Variants in MBOAT2 observed in about 807,000 individuals in gnomAD.
MBOAT2 encodes the protein membrane bound glycerophospholipid O-acyltransferase 2.
A neutral mutation model predicts 63.4 loss-of-function variants in MBOAT2; 28 were observed. That is an observed-to-expected ratio of 0.44 (90% CI 0.33 to 0.61). The LOEUF (loss-of-function observed/expected upper bound fraction) is 0.61. Ranked by LOEUF, MBOAT2 falls within the 20% of genes least tolerant of loss-of-function variation. The pLI is 0.03. For missense variants in MBOAT2, 470 were observed against 605.8 expected (o/e 0.78, Z 2.35); for synonymous variants, 211 against 215.6 (o/e 0.98, Z 0.19).
intron 1 of MBOAT2, among the ~76,000 whole-genome samples, chr2:8,966,733 G>GTTT (rs1670023726): frequency 2.0e-5 from 3 of 152,138 alleles, no homozygotes; most frequent in Admixed American, 6.5e-5. Context: ...ACCAAATGCA[G>GTTT]ACTACAATGT....
rs537266064 is a variant in MBOAT2, at chr2:8,901,975, C to G, written c.395+6646G>C. On this transcript the variant is annotated intron_variant, in intron 4 of 12. Transcript: ENST00000305997. The stretch of plus-strand genomic sequence containing the variant: ...GATAGATGGGCGAGTCTCGCTTGGG[C>G]GACATGACTTTGAGAGTTCCGCTCA... Among the ~76,000 whole-genome samples the G allele has an allele frequency of 1.2e-4, 18 of 148,220 alleles. No homozygotes were observed. The East Asian group carries it at 2.6e-3, about 21-fold the overall frequency.
chr2:8,910,407 T>C (rs908124714), intron 3 of MBOAT2, among the ~76,000 whole-genome samples: 1 of 152,170 alleles, frequency 6.6e-6, no homozygotes, highest in Non-Finnish European at 1.5e-5. Flanking sequence ...GATGATGCTA[T>C]CCAGTTGAAC....
rs1214093843 is a variant in MBOAT2 at position 8,882,647 on chromosome 2, C to T, written c.452-82G>A. The T allele has an allele frequency of 4.0e-6, 5 of 1,235,598 alleles. 1 individual carries two copies. The African/African-American group carries it at 6.0e-5, about 15-fold the overall frequency. The allele number at this position is 1,235,598 out of a possible 1,614,324, so 76.5% of individuals were successfully genotyped here. A position where few individuals can be genotyped will look rare whatever the true frequency, so the allele number is the denominator to read the frequency against. On this transcript the variant is annotated intron_variant, in intron 5 of 12. Transcript: ENST00000305997. ...TGCCCATGCACACTTTCATTACTTT[C>T]CTCATTTGAAATTCATGCTATTATA...
rs138961382 is a variant in MBOAT2, at chr2:9,003,515, C to A, written c.75+25G>T. The A allele has an allele frequency of 0.054, 64,391 of 1,183,508 alleles. 1,829 individuals carry two copies. Among genetic ancestry groups the A allele is most frequent in the Middle Eastern group, 0.065 (189 of 2,910 alleles). 73.3% of individuals were successfully genotyped at this position (1,183,508 alleles called of 1,614,324 possible). A position where few individuals can be genotyped will look rare whatever the true frequency, so the allele number is the denominator to read the frequency against. On this transcript the variant is annotated intron_variant, in intron 1 of 12. Transcript: ENST00000305997. The surrounding 1 kb of genome is among the most constrained non-coding windows in gnomAD (Gnocchi z 5.4). ...GGGAGGGGCGGCGAGGGCGCGACGC[C>A]CGGCGCCAGGGCGCCTCGGGGTACC...
intron 4 of MBOAT2, among the ~76,000 whole-genome samples, chr2:8,906,328 A>G (rs2148584693): frequency 6.6e-6 from 1 of 152,312 alleles, no homozygotes; most frequent in South Asian, 2.1e-4. Flanking sequence ...CTTAATGTCA[A>G]TTGTCCTATG....
At chr2:8,913,381 C>T (rs1053853985) in intron 3 of MBOAT2, among the ~76,000 whole-genome samples, 1 of 151,996 alleles carries the variant, frequency 6.6e-6, no homozygotes, top group East Asian at 1.9e-4. Flanking sequence ...AAGGAACAGT[C>T]AGCAGAGTAA....
chr2:8,880,789 G>A (rs922260862), intron 6 of MBOAT2, among the ~76,000 whole-genome samples: 8 of 152,356 alleles, frequency 5.3e-5, no homozygotes, highest in African/African-American at 1.9e-4. Flanking sequence ...GTGGCCAACT[G>A]GCCAATGCTG....
chr2:8,996,150 GT>G lies in MBOAT2; in HGVS notation c.75+7389del, dbSNP rs535742073. ...CGCAATGGCTCGGCAGCTGGAAGCT[GT>G]TAAGAGTTTTAAGCAAGGAAGTAAC... is the stretch of plus-strand genomic sequence containing the variant. On this transcript the variant is annotated intron_variant, in intron 1 of 12. Transcript: ENST00000305997. Among the ~76,000 whole-genome samples the G allele has an allele frequency of 4.6e-4, 70 of 152,314 alleles. No homozygotes were observed. In the Middle Eastern group the frequency reaches 0.014, roughly 30 times the overall value.
chr2:8,966,854 T>C (rs987744670), intron 1 of MBOAT2, among the ~76,000 whole-genome samples: 6 of 152,204 alleles, frequency 3.9e-5, no homozygotes, highest in African/African-American at 1.4e-4. Context: ...CCAATACCCA[T>C]GTGTCTAACA....
intron 1 of MBOAT2, among the ~76,000 whole-genome samples, chr2:8,970,016 G>C (rs1670328589): frequency 6.6e-6 from 1 of 152,124 alleles, no homozygotes; most frequent in Admixed American, 6.5e-5. Flanking sequence ...GCACCAAGTG[G>C]ACCTAATAGA....
intron 1 of MBOAT2, among the ~76,000 whole-genome samples, chr2:8,988,860 A>G (rs1312340137): frequency 6.6e-6 from 1 of 152,250 alleles, no homozygotes; most frequent in Non-Finnish European, 1.5e-5. Flanking sequence ...AATAATATCC[A>G]TAATGAATCA....
At chr2:8,871,213 G>T (rs1295626617) in intron 8 of MBOAT2, among the ~76,000 whole-genome samples, 1 of 152,030 alleles carries the variant, frequency 6.6e-6, no homozygotes. Flanking sequence ...GCTCAGGCTG[G>T]TCTCAAACTT....
chr2:8,963,434 G>C (rs2103288483), intron 1 of MBOAT2, among the ~76,000 whole-genome samples: 1 of 152,198 alleles, frequency 6.6e-6, no homozygotes, highest in East Asian at 1.9e-4. Flanking sequence ...CTCCCAAGCA[G>C]CTGGGATTAC....
chr2:8,892,449 C>T (rs957478560), intron 4 of MBOAT2, among the ~76,000 whole-genome samples: 4 of 152,074 alleles, frequency 2.6e-5, no homozygotes, highest in African/African-American at 9.7e-5. Context: ...CATTCATTTA[C>T]TTACTGCTTC....
chr2:8,949,424 TA>T (rs1161277434), intron 2 of MBOAT2, among the ~76,000 whole-genome samples: 2 of 151,896 alleles, frequency 1.3e-5, no homozygotes, highest in Admixed American at 1.3e-4. Context: ...AATGCCCAGA[TA>T]AAATGATGTT....
In MBOAT2 at chr2:8,854,609, T is replaced by G. The variant is rs193098788; in HGVS notation, c.*4070A>C. The G allele has an allele frequency of 2.0e-5, 3 of 152,326 alleles. No homozygotes were observed. Among genetic ancestry groups the G allele is most frequent in the Admixed American group, 2.0e-4 (3 of 15,302 alleles). 9.4% of individuals were successfully genotyped at this position (152,326 alleles called of 1,614,324 possible). Reference sequence around the variant, plus strand: ...TCTTTCAATTATAATGTAGAACTGTTAAGACCAATTAACTAATAATTGTGA... The same window carrying G: ...TCTTTCAATTATAATGTAGAACTGTGAAGACCAATTAACTAATAATTGTGA... On this transcript the variant is annotated 3_prime_UTR_variant, in exon 13 of 13. Coordinates refer to ENST00000305997, the MANE Select transcript of MBOAT2 (RefSeq NM_138799.4).
At chr2:8,967,917 T>G (rs990885773) in intron 1 of MBOAT2, among the ~76,000 whole-genome samples, 1 of 151,792 alleles carries the variant, frequency 6.6e-6, no homozygotes, top group Admixed American at 6.6e-5. Flanking sequence ...TTAAAAGCAA[T>G]AGTAGGCAGT....
intron 1 of MBOAT2, among the ~76,000 whole-genome samples, chr2:8,978,275 T>C (rs919875311): frequency 6.6e-6 from 1 of 152,052 alleles, no homozygotes; most frequent in Non-Finnish European, 1.5e-5. Flanking sequence ...CCTCCACACA[T>C]GGAATGCACA....
intron 1 of MBOAT2, among the ~76,000 whole-genome samples, chr2:8,961,788 G>A (rs184760494): frequency 6.6e-6 from 1 of 152,156 alleles, no homozygotes; most frequent in Admixed American, 6.5e-5. Context: ...CCCGCAGGGG[G>A]CATAATTGAC....
Sources: allele counts gnomAD v4.1 joint callset (sites outside exome capture counted in the v4.1 genomes callset), GRCh38; gene constraint gnomAD v4.1.1; non-coding constraint Gnocchi (gnomAD v3.1); transcripts MANE v1.5; gene names NCBI Gene and HGNC (gene_info 2026-07-23, HGNC 2026-07-21).